GALNT10: variants seen among roughly 807,000 people sequenced by gnomAD.
GALNT10 encodes the protein GalNAc transferase 10.
Under a neutral mutation model 75.0 loss-of-function variants are expected in GALNT10, and 41 were observed. The observed-to-expected ratio is 0.55, with a 90% confidence interval of 0.43 to 0.71. GALNT10 has a LOEUF of 0.71. Among genes scored for constraint, GALNT10 ranks in the 30% least tolerant of loss-of-function variants. The probability of loss-of-function intolerance (pLI) is 0.00; values close to 1 mark genes in which losing one functional copy is unlikely to be tolerated. For synonymous variants in GALNT10, 302 were observed against 313.0 expected (o/e 0.96, Z 0.37); for missense variants, 727 against 818.5 (o/e 0.89, Z 1.36).
chr5:154,282,830 C>G (rs1754057654), intron 1 of GALNT10, among the ~76,000 whole-genome samples: 1 of 152,220 alleles, frequency 6.6e-6, no homozygotes, highest in Admixed American at 6.5e-5. Context: ...CTCATTCATT[C>G]ATTATTCATT....
chr5:154,347,043 C>A, intron 4 of GALNT10: 1 of 395,436 alleles, frequency 2.5e-6, no homozygotes, highest in Non-Finnish European at 5.2e-6. Flanking sequence ...ATTGAAGATC[C>A]CAAACTTAAA....
intron 1 of GALNT10, among the ~76,000 whole-genome samples, chr5:154,293,896 A>G (rs1444492712): frequency 6.6e-6 from 1 of 151,576 alleles, no homozygotes; most frequent in East Asian, 1.9e-4. Context: ...AACATTCTCC[A>G]TTTCTCCCCA....
intron 3 of GALNT10, among the ~76,000 whole-genome samples, chr5:154,311,124 G>A (rs138241082): frequency 7.9e-5 from 12 of 152,164 alleles, no homozygotes; most frequent in Admixed American, 6.5e-4. Context: ...GACTGGATGT[G>A]TGGCTTGTTT....
At chr5:154,301,586 G>T (rs1395363718) in intron 3 of GALNT10, among the ~76,000 whole-genome samples, 1 of 148,978 alleles carries the variant, frequency 6.7e-6, no homozygotes, top group Non-Finnish European at 1.5e-5. Context: ...TTGAGACAGG[G>T]TCTTGCTATG....
At chr5:154,371,357 G>T (rs10042650) in intron 4 of GALNT10, among the ~76,000 whole-genome samples, 5,035 of 152,108 alleles carry the variant, frequency 0.033, 206 homozygotes, top group African/African-American at 0.1. Flanking sequence ...ACAACCAGGG[G>T]TTAGGACTTC....
chr5:154,199,985 G>A (rs768969849), intron 1 of GALNT10, among the ~76,000 whole-genome samples: 2 of 152,192 alleles, frequency 1.3e-5, no homozygotes, highest in Non-Finnish European at 2.9e-5. Context: ...CATATCCAGG[G>A]CCACGCAGCT....
At chr5:154,317,791 T>C (rs187422004) in intron 3 of GALNT10, among the ~76,000 whole-genome samples, 1 of 152,352 alleles carries the variant, frequency 6.6e-6, no homozygotes, top group Admixed American at 6.5e-5. Context: ...TTTATATAAC[T>C]GAAAAGGCCA....
At chr5:154,357,028 A>G (rs1755306650) in intron 4 of GALNT10, among the ~76,000 whole-genome samples, 1 of 152,160 alleles carries the variant, frequency 6.6e-6, no homozygotes, top group East Asian at 1.9e-4. Flanking sequence ...TTTGATTAGT[A>G]TTTCTTAGAT....
chr5:154,254,825 A>G (rs149626422), intron 1 of GALNT10, among the ~76,000 whole-genome samples: 30 of 152,302 alleles, frequency 2.0e-4, no homozygotes, highest in African/African-American at 7.2e-4. Flanking sequence ...TGAATATATT[A>G]AGACAACAAG....
chr5:154,292,923 G>A (rs1754216101), intron 1 of GALNT10, among the ~76,000 whole-genome samples: 1 of 152,116 alleles, frequency 6.6e-6, no homozygotes, highest in Non-Finnish European at 1.5e-5. Flanking sequence ...CAGCTTCTGT[G>A]ATTTCTAAGA....
intron 4 of GALNT10, among the ~76,000 whole-genome samples, chr5:154,345,554 G>A (rs1755108267): frequency 6.7e-6 from 1 of 149,988 alleles, no homozygotes; most frequent in Non-Finnish European, 1.5e-5. Context: ...TATTTATCTT[G>A]TGTGTCTGGC....
At chr5:154,246,480 G>A (rs140811604) in intron 1 of GALNT10, among the ~76,000 whole-genome samples, 4,483 of 152,256 alleles carry the variant, frequency 0.029, 160 homozygotes, top group East Asian at 0.088. Flanking sequence ...GTTGTTTCCT[G>A]ACTTTTTAAT....
chr5:154,248,175 T>TG (rs1753460939), intron 1 of GALNT10, among the ~76,000 whole-genome samples: 2 of 152,226 alleles, frequency 1.3e-5, no homozygotes, highest in Non-Finnish European at 2.9e-5. Context: ...TTGATCATGG[T>TG]GGATAAGCTT....
intron 3 of GALNT10, among the ~76,000 whole-genome samples, chr5:154,299,937 C>T (rs1754336686): frequency 6.6e-6 from 1 of 151,144 alleles, no homozygotes. Context: ...TGAGCTCAAG[C>T]AATCCTCCCA....
At chr5:154,239,152 C>G (rs74396372) in intron 1 of GALNT10, among the ~76,000 whole-genome samples, 2,579 of 152,288 alleles carry the variant, frequency 0.017, 68 homozygotes, top group African/African-American at 0.058. Context: ...TCTTGTTGGT[C>G]TCTGGGGAAT....
chr5:154,215,448 C>G (rs1561631051), intron 1 of GALNT10, among the ~76,000 whole-genome samples: 1 of 151,942 alleles, frequency 6.6e-6, no homozygotes, highest in Non-Finnish European at 1.5e-5. Context: ...CGCCACTGCA[C>G]TCTCCAGCCT....
At chr5:154,288,401 A>G (rs1754143491) in intron 1 of GALNT10, among the ~76,000 whole-genome samples, 1 of 110,166 alleles carries the variant, frequency 9.1e-6, no homozygotes, top group Non-Finnish European at 1.8e-5. Context: ...AAAGATTAAA[A>G]TTCCATTTGT....
At chr5:154,247,714 T>A (rs983753818) in intron 1 of GALNT10, among the ~76,000 whole-genome samples, 2 of 152,236 alleles carry the variant, frequency 1.3e-5, no homozygotes, top group African/African-American at 4.8e-5. Flanking sequence ...GATTTTGGGC[T>A]GAGACGATGG....
At position 154,419,947 on chromosome 5, in the gene GALNT10, A is replaced by T. The variant is rs2113235911; in HGVS notation, c.*2975A>T. The T allele has an allele frequency of 6.6e-6, 1 of 152,364 alleles. No homozygotes were observed. Among genetic ancestry groups the T allele is most frequent in the African/African-American group, 2.4e-5 (1 of 41,574 alleles). 9.4% of individuals were successfully genotyped at this position (152,364 alleles called of 1,614,324 possible). A position where few individuals can be genotyped will look rare whatever the true frequency, so the allele number is the denominator to read the frequency against. ...TAGGGTGTGACTTGAAAGTATCGTG[A>T]CCATGTGGCCCACCAGCAGCCTTTC... On this transcript the variant is annotated 3_prime_UTR_variant, in exon 12 of 12. Transcript: ENST00000297107.
Sources: gnomAD v4.1 joint callset for allele counts (sites outside exome capture counted in the v4.1 genomes callset) on GRCh38, gnomAD v4.1.1 for gene constraint, MANE v1.5 for transcripts, NCBI Gene and HGNC (gene_info 2026-07-23, HGNC 2026-07-21) for gene names.